The following C9 variants were observed in gnomAD, a reference collection of about 807,000 sequenced individuals.
C9 encodes the protein complement component C9.
C9 carries 63 observed loss-of-function variants against 65.4 expected under a neutral mutation model. The ratio of observed to expected loss-of-function variants is 0.96; its 90% confidence interval spans 0.79 to 1.19. C9 has a LOEUF of 1.19. Among genes scored for constraint, C9 ranks in the 50% most tolerant of loss-of-function variants. The pLI, the probability that C9 is intolerant of heterozygous loss-of-function variation, is 0.00. For synonymous variants in C9, 229 were observed against 227.9 expected, an observed-to-expected ratio of 1.00 and a Z score of -0.04; for missense variants, 744 against 670.1, an observed-to-expected ratio of 1.11 and a Z score of -1.22.
intron 1 of C9, among the ~76,000 whole-genome samples, chr5:39,347,735 A>G (rs1179215753): frequency 6.6e-6 from 1 of 152,176 alleles, no homozygotes; most frequent in Non-Finnish European, 1.5e-5. Flanking sequence ...CAAAAGAACA[A>G]AGCTGGAGAC....
intron 1 of C9, among the ~76,000 whole-genome samples, chr5:39,358,756 C>A (rs1330264525): frequency 1.3e-5 from 2 of 151,742 alleles, no homozygotes; most frequent in Non-Finnish European, 2.9e-5. Flanking sequence ...GAGGCCAAGG[C>A]GGGTGGATCA....
At chr5:39,345,449 G>C (rs1219752961) in intron 1 of C9, among the ~76,000 whole-genome samples, 1 of 152,160 alleles carries the variant, frequency 6.6e-6, no homozygotes, top group African/African-American at 2.4e-5. Context: ...ACGGTAAAGG[G>C]AGCAATTCAA....
chr5:39,303,782 T>G (rs964887628), intron 9 of C9, among the ~76,000 whole-genome samples: 2 of 152,016 alleles, frequency 1.3e-5, no homozygotes, highest in African/African-American at 4.8e-5. Context: ...CTGGTTCTGC[T>G]TGTTTCCTCC....
chr5:39,357,276 G>C (rs968632149), intron 1 of C9, among the ~76,000 whole-genome samples: 2 of 152,160 alleles, frequency 1.3e-5, no homozygotes, highest in African/African-American at 4.8e-5. Flanking sequence ...AGCCAATTAG[G>C]ACTACATTTT....
chr5:39,336,982 G>GTT (rs148205952), intron 4 of C9, among the ~76,000 whole-genome samples: 1 of 148,852 alleles, frequency 6.7e-6, no homozygotes, highest in African/African-American at 2.5e-5. Context: ...GTTGTGTCTT[G>GTT]TTTTTTTTTT....
intron 4 of C9, among the ~76,000 whole-genome samples, chr5:39,339,386 C>G (rs995927917): frequency 6.6e-6 from 1 of 152,236 alleles, no homozygotes; most frequent in African/African-American, 2.4e-5. Context: ...TTTTTCTTAC[C>G]TAGATTTAAG....
intron 9 of C9, among the ~76,000 whole-genome samples, chr5:39,302,225 T>A (rs1008913957): frequency 6.6e-6 from 1 of 152,142 alleles, no homozygotes; most frequent in Non-Finnish European, 1.5e-5. Context: ...GGGTTCCATC[T>A]TTTTCTGATG....
At chr5:39,321,786 G>A (rs919703257) in intron 5 of C9, among the ~76,000 whole-genome samples, 1 of 152,004 alleles carries the variant, frequency 6.6e-6, no homozygotes, top group Non-Finnish European at 1.5e-5. Context: ...TAATAATGAA[G>A]GGGTCAATTT....
chr5:39,285,351 T>G (rs1752972510), intron 10 of C9, 118 bp from the exon 11 acceptor site: 9 of 791,148 alleles, frequency 1.1e-5, no homozygotes, highest in South Asian at 9.8e-5. Flanking sequence ...CCATACTGTC[T>G]AGGTACTGGG....
At chr5:39,346,706 A>G (rs1223325965) in intron 1 of C9, among the ~76,000 whole-genome samples, 4 of 152,110 alleles carry the variant, frequency 2.6e-5, no homozygotes, top group Admixed American at 1.3e-4. Context: ...AAGTCTGGCA[A>G]AGACACAACA....
chr5:39,300,108 A>G (rs1753255056), intron 9 of C9, among the ~76,000 whole-genome samples: 1 of 152,100 alleles, frequency 6.6e-6, no homozygotes, highest in African/African-American at 2.4e-5. Context: ...GTGCCTAAGA[A>G]GTATTTGTCA....
Position 39,284,981 on chromosome 5 carries a change from C to A in C9, c.*218G>T. On this transcript the variant is annotated 3_prime_UTR_variant, in exon 11 of 11. Transcript: ENST00000263408. ...CAGTTCTGGCGTATTTCACTGTTGA[C>A]TTCTCATTAGGGAACAAAAAATGGA... is the stretch of plus-strand genomic sequence containing the variant. 1.9e-6 allele frequency: 1 copy of A among 514,752 alleles called. No individual in the cohort carries two copies. The highest frequency in any genetic ancestry group is 3.2e-5 in the South Asian group (1 of 31,534). The allele number at this position is 514,752 out of a possible 1,614,324, so 31.9% of individuals were successfully genotyped here. A position where few individuals can be genotyped will look rare whatever the true frequency, so the allele number is the denominator to read the frequency against.
intron 5 of C9, among the ~76,000 whole-genome samples, chr5:39,328,074 G>A (rs77178412): frequency 0.03 from 4,571 of 152,248 alleles, 214 homozygotes; most frequent in African/African-American, 0.1. Context: ...AGGAAAAAGA[G>A]GGAAAGGTTG....
At chr5:39,355,158 C>T (rs1754392769) in intron 1 of C9, among the ~76,000 whole-genome samples, 1 of 152,206 alleles carries the variant, frequency 6.6e-6, no homozygotes, top group South Asian at 2.1e-4. Context: ...TCTCACCTGC[C>T]ACTCAGACAA....
intron 10 of C9, 45 bp from the exon 11 acceptor site, chr5:39,285,278 T>G (rs1312057822): frequency 3.3e-6 from 5 of 1,531,000 alleles, no homozygotes; most frequent in Non-Finnish European, 4.5e-6. Context: ...TCAATAGGAT[T>G]TTACTTTGGG....
At chr5:39,337,148 AC>A (rs1753985208) in intron 4 of C9, among the ~76,000 whole-genome samples, 1 of 152,218 alleles carries the variant, frequency 6.6e-6, no homozygotes, top group South Asian at 2.1e-4. Flanking sequence ...TTTGTGAAAA[AC>A]ATGTACGTAT....
intron 5 of C9, among the ~76,000 whole-genome samples, chr5:39,324,775 C>T (rs774983241): frequency 9.9e-5 from 15 of 152,100 alleles, no homozygotes; most frequent in African/African-American, 2.7e-4. Flanking sequence ...AAGTCTTGGA[C>T]GAGAGACCAA....
chr5:39,352,155 A>G (rs1754335062), intron 1 of C9, among the ~76,000 whole-genome samples: 1 of 152,188 alleles, frequency 6.6e-6, no homozygotes, highest in African/African-American at 2.4e-5. Flanking sequence ...ACATACTTCT[A>G]AACAACCAGC....
intron 1 of C9, among the ~76,000 whole-genome samples, chr5:39,351,444 A>G (rs752173952): frequency 3.9e-5 from 6 of 152,118 alleles, no homozygotes; most frequent in Non-Finnish European, 7.3e-5. Flanking sequence ...CAGGCTGCAA[A>G]TTTCCCAAAC....
Sources: gnomAD v4.1 joint callset for allele counts (sites outside exome capture counted in the v4.1 genomes callset) on GRCh38, gnomAD v4.1.1 for gene constraint, MANE v1.5 for transcripts, NCBI Gene and HGNC (gene_info 2026-07-23, HGNC 2026-07-21) for gene names.